FSD1L: variants seen among roughly 807,000 people sequenced by gnomAD.
FSD1L encodes the protein FSD1-like protein.
Under a neutral mutation model 71.6 loss-of-function variants are expected in FSD1L, and 45 were observed. The observed-to-expected ratio is 0.63, with a 90% CI of 0.49 to 0.81. The LOEUF is 0.81. Ranked by LOEUF, FSD1L falls within the 30% of genes least tolerant of loss-of-function variation. FSD1L has a pLI of 0.00. For synonymous variants in FSD1L, 197 were observed against 207.2 expected (o/e 0.95, Z 0.42); for missense variants, 561 against 618.1 (o/e 0.91, Z 0.98).
intron 7 of FSD1L, among the ~76,000 whole-genome samples, chr9:105,492,284 G>A (rs191058003): frequency 1.2e-4 from 18 of 152,194 alleles, no homozygotes; most frequent in South Asian, 2.1e-4. Context: ...GTTTATTTGC[G>A]TAGAGGTGTT....
intron 10 of FSD1L, chr9:105,521,497 T>A: frequency 6.2e-7 from 1 of 1,613,968 alleles, no homozygotes; most frequent in African/African-American, 1.3e-5. Flanking sequence ...ACAGAGATAT[T>A]TCGTCAGGCA....
At chr9:105,454,310 A>G (rs887738865) in intron 1 of FSD1L, among the ~76,000 whole-genome samples, 1 of 152,176 alleles carries the variant, frequency 6.6e-6, no homozygotes, top group Non-Finnish European at 1.5e-5. Context: ...TTAATGATTC[A>G]ACAGAATTCT....
chr9:105,443,278 C>T (rs1200070297), upstream of FSD1L, among the ~76,000 whole-genome samples: 1 of 152,232 alleles, frequency 6.6e-6, no homozygotes, highest in Non-Finnish European at 1.5e-5. Context: ...GCCTCACAAT[C>T]ATGGCCGAAG....
intron 10 of FSD1L, among the ~76,000 whole-genome samples, chr9:105,532,342 CTGAGT>C (rs1465929038): frequency 6.6e-6 from 1 of 151,914 alleles, no homozygotes; most frequent in Non-Finnish European, 1.5e-5. Context: ...TTCTTTTTTC[CTGAGT>C]TATCAGTTGA....
Position 105,468,344 on chromosome 9 carries a change from G to A in FSD1L, c.339+20G>A, listed in dbSNP as rs374590061. On this transcript the variant is annotated intron_variant, in intron 4 of 13. Transcript: ENST00000481272. ...TTACAGGTGAGATCATACAGCTATTGAAATATGGATAATTTTAGTCTATTT... is the reference window on the plus strand; with the variant it reads ...TTACAGGTGAGATCATACAGCTATTAAAATATGGATAATTTTAGTCTATTT... 6 of 1,466,224 alleles carry A rather than the reference G, an allele frequency of 4.1e-6. No homozygotes were observed. The highest frequency in any genetic ancestry group is 5.4e-6 in the Non-Finnish European group (6 of 1,115,278). 90.8% of individuals were successfully genotyped at this position (1,466,224 alleles called of 1,614,324 possible).
At chr9:105,470,838 G>C (rs903441607) in intron 4 of FSD1L, among the ~76,000 whole-genome samples, 2 of 152,064 alleles carry the variant, frequency 1.3e-5, no homozygotes, top group African/African-American at 4.8e-5. Flanking sequence ...ATACTAATAA[G>C]AAATGAATTC....
Position 105,524,198 on chromosome 9 carries a change from G to A in FSD1L, c.1026-10295G>A, listed in dbSNP as rs1835360028. 3 of 1,612,052 alleles carry A rather than the reference G, an allele frequency of 1.9e-6. No homozygotes were observed. In the Admixed American group the frequency reaches 5.0e-5, roughly 27 times the overall value. ...ATGAGTCTCATCATCCTCAAATTAAGGAAGCTCTGAATGTGATTTGTGTTT... is the reference window on the plus strand; with the variant it reads ...ATGAGTCTCATCATCCTCAAATTAAAGAAGCTCTGAATGTGATTTGTGTTT... On this transcript the variant is annotated intron_variant, in intron 10 of 13. Coordinates refer to ENST00000481272, the MANE Select transcript of FSD1L (RefSeq NM_001145313.3).
intron 4 of FSD1L, among the ~76,000 whole-genome samples, chr9:105,470,202 C>T (rs1172263337): frequency 1.3e-5 from 2 of 152,066 alleles, no homozygotes; most frequent in Admixed American, 6.6e-5. Flanking sequence ...TTGAGGCATT[C>T]GACTTTTTTC....
At chr9:105,454,536 A>G (rs984673972) in intron 1 of FSD1L, among the ~76,000 whole-genome samples, 3 of 152,226 alleles carry the variant, frequency 2.0e-5, no homozygotes, top group African/African-American at 7.2e-5. Flanking sequence ...GCCCTTGAGA[A>G]GGGTTGTTAG....
intron 13 of FSD1L, among the ~76,000 whole-genome samples, chr9:105,541,132 A>G (rs1017657079): frequency 1.8e-4 from 27 of 152,154 alleles, no homozygotes; most frequent in Non-Finnish European, 3.1e-4. Context: ...CTCATTATCC[A>G]TAGTAATTAT....
At chr9:105,520,029 G>C in intron 10 of FSD1L, 2 of 1,465,294 alleles carry the variant, frequency 1.4e-6, no homozygotes. Flanking sequence ...GAGCTAATGA[G>C]CCTCTCTGGC....
intron 10 of FSD1L, chr9:105,521,129 T>C (rs2131417575): frequency 1.2e-6 from 2 of 1,613,796 alleles, no homozygotes; most frequent in East Asian, 4.5e-5. Flanking sequence ...AAGCAATCTA[T>C]TGTACAAAGG....
rs1206233908 is a variant in FSD1L at position 105,508,601 on chromosome 9, GT to G, written c.797-12del. The G allele has an allele frequency of 1.2e-5, 18 of 1,487,764 alleles. No homozygotes were observed. The highest frequency in any genetic ancestry group is 1.1e-5 in the Non-Finnish European group (12 of 1,089,346). The allele number at this position is 1,487,764 out of a possible 1,614,324, so 92.2% of individuals were successfully genotyped here. On this transcript the variant is annotated splice_polypyrimidine_tract_variant and intron_variant, in intron 8 of 13. Coordinates refer to ENST00000481272, the MANE Select transcript of FSD1L (RefSeq NM_001145313.3). ...TTTACTGTACATGTCTGAAAACCAT[GT>G]TTTCGTTTCTTCAGGCTTAAAATTT...
In FSD1L at chr9:105,549,441, A is replaced by C. The variant is rs1400445333; in HGVS notation, c.*2958A>C. ...AATAACTAATGCACACAGAAATTTAATATACAGCAATTCTTTGAATGTTCC... is the reference window on the plus strand; with the variant it reads ...AATAACTAATGCACACAGAAATTTACTATACAGCAATTCTTTGAATGTTCC... On this transcript the variant is annotated 3_prime_UTR_variant, in exon 14 of 14. Coordinates refer to ENST00000481272, the MANE Select transcript of FSD1L (RefSeq NM_001145313.3). 1 of 152,124 alleles carries C rather than the reference A, an allele frequency of 6.6e-6. No homozygotes were observed. The highest frequency in any genetic ancestry group is 2.4e-5 in the African/African-American group (1 of 41,466). The allele number at this position is 152,124 out of a possible 1,614,324, so 9.4% of individuals were successfully genotyped here.
intron 10 of FSD1L, chr9:105,523,824 A>G (rs1327962156): frequency 1.3e-5 from 21 of 1,598,888 alleles, no homozygotes; most frequent in East Asian, 4.5e-5. Flanking sequence ...TGTCAATACA[A>G]TCATCAAACA....
At chr9:105,536,209 A>ATTT (rs555207198) in intron 12 of FSD1L, among the ~76,000 whole-genome samples, 75 of 152,252 alleles carry the variant, frequency 4.9e-4, no homozygotes, top group African/African-American at 1.6e-3. Context: ...TGGTTAGAAG[A>ATTT]TTTTTCTTAA....
At chr9:105,458,136 C>T (rs1011560665) in intron 1 of FSD1L, among the ~76,000 whole-genome samples, 7 of 152,300 alleles carry the variant, frequency 4.6e-5, no homozygotes, top group Admixed American at 2.0e-4. Flanking sequence ...GGCCCAATCC[C>T]GTTGTCACTT....
At chr9:105,502,311 T>G (rs1224653697) in intron 7 of FSD1L, among the ~76,000 whole-genome samples, 1 of 152,212 alleles carries the variant, frequency 6.6e-6, no homozygotes, top group Non-Finnish European at 1.5e-5. Flanking sequence ...ACTACCATTA[T>G]TCGTTTTTAC....
intron 13 of FSD1L, 108 bp from the exon 14 acceptor site, chr9:105,546,250 A>G: frequency 1.1e-6 from 1 of 944,482 alleles, no homozygotes; most frequent in Non-Finnish European, 1.5e-6. Flanking sequence ...GTGTTTGAGA[A>G]TGATTGATGT....
Sources: gnomAD v4.1 joint callset for allele counts (sites outside exome capture counted in the v4.1 genomes callset) on GRCh38, gnomAD v4.1.1 for gene constraint, MANE v1.5 for transcripts, NCBI Gene and HGNC (gene_info 2026-07-23, HGNC 2026-07-21) for gene names.